GRIN2B: variants seen among roughly 807,000 people sequenced by gnomAD.
The protein encoded by GRIN2B is glutamate receptor ionotropic, NMDA 2B.
GRIN2B carries 5 observed loss-of-function variants against 114.5 expected under a neutral mutation model. The observed-to-expected ratio is 0.04, with a 90% CI of 0.02 to 0.09. The LOEUF (loss-of-function observed/expected upper bound fraction) is 0.09. Among genes scored for constraint, GRIN2B ranks in the 10% least tolerant of loss-of-function variants. The pLI, the probability that GRIN2B is intolerant of heterozygous loss-of-function variation, is 1.00. For missense variants in GRIN2B, 1,108 were observed against 1,943.5 expected (o/e 0.57, Z 8.08); for synonymous variants, 787 against 745.1 (o/e 1.06, Z -0.92).
At chr12:13,665,998 C>CA (rs1367199532) in intron 5 of GRIN2B, among the ~76,000 whole-genome samples, 2 of 152,140 alleles carry the variant, frequency 1.3e-5, no homozygotes, top group Non-Finnish European at 2.9e-5. Context: ...CATATTATTT[C>CA]AGGAAGAGTC....
intron 2 of GRIN2B, among the ~76,000 whole-genome samples, chr12:13,895,581 C>G (rs1383099047): frequency 6.6e-6 from 1 of 152,110 alleles, no homozygotes; most frequent in Non-Finnish European, 1.5e-5. Context: ...CTAAGAATTT[C>G]AGAAGTTCTT....
intron 3 of GRIN2B, among the ~76,000 whole-genome samples, chr12:13,842,270 T>A (rs1865391787): frequency 6.6e-6 from 1 of 152,242 alleles, no homozygotes; most frequent in Admixed American, 6.5e-5. Context: ...CATTTTTCAC[T>A]TCAATTAACG....
chr12:13,725,026 A>T (rs1477507738), intron 4 of GRIN2B, among the ~76,000 whole-genome samples: 1 of 152,120 alleles, frequency 6.6e-6, no homozygotes, highest in Non-Finnish European at 1.5e-5. Context: ...TGAAAGGCAA[A>T]CAACTTCCTT....
At chr12:13,777,590 G>A (rs550186360) in intron 3 of GRIN2B, among the ~76,000 whole-genome samples, 10 of 152,298 alleles carry the variant, frequency 6.6e-5, no homozygotes, top group African/African-American at 2.4e-4. Context: ...GGGATTCAAG[G>A]CCCCTAAACA....
intron 3 of GRIN2B, among the ~76,000 whole-genome samples, chr12:13,860,573 C>T (rs1865736260): frequency 6.6e-6 from 1 of 152,140 alleles, no homozygotes; most frequent in South Asian, 2.1e-4. Context: ...GATCTGCCTG[C>T]CTCCGCCTCC....
At chr12:13,905,572 T>G (rs1866523453) in intron 2 of GRIN2B, among the ~76,000 whole-genome samples, 1 of 152,204 alleles carries the variant, frequency 6.6e-6, no homozygotes, top group Non-Finnish European at 1.5e-5. Context: ...TCTGGTTTTC[T>G]TTGACTATAC....
At chr12:13,981,614 G>C (rs1863140036), upstream of GRIN2B, 1 of 150,352 alleles carries the variant, frequency 6.7e-6, no homozygotes, top group Non-Finnish European at 1.5e-5. Flanking sequence ...GTTTTTGAAA[G>C]GGGGTGGGGG....
intron 4 of GRIN2B, among the ~76,000 whole-genome samples, chr12:13,722,630 G>C (rs1236807088): frequency 1.3e-5 from 2 of 152,086 alleles, no homozygotes; most frequent in African/African-American, 4.8e-5. Context: ...TTATAGAAAA[G>C]AGGATATGTA....
intron 3 of GRIN2B, among the ~76,000 whole-genome samples, chr12:13,766,778 A>T (rs1863798303): frequency 6.6e-6 from 1 of 152,212 alleles, no homozygotes; most frequent in Admixed American, 6.5e-5. Context: ...AGCTGGGGGA[A>T]TGATAATTCC....
chr12:13,929,509 C>T lies in GRIN2B; in HGVS notation c.-19+50419G>A, dbSNP rs1866982159. 2.0e-5 allele frequency among the ~76,000 whole-genome samples: 3 copies of T among 152,178 alleles called. No individual in the cohort carries two copies. In the South Asian group the frequency reaches 6.2e-4, roughly 31 times the overall value. On this transcript the variant is annotated intron_variant, in intron 2 of 13. Transcript: ENST00000609686. The stretch of plus-strand genomic sequence containing the variant: ...TGGGAAAGGCAGGTCTTACGTTATG[C>T]TAAAGAAGATTTCCATTAGTGCTGG...
chr12:13,759,485 A>C (rs1362668266), intron 3 of GRIN2B, among the ~76,000 whole-genome samples: 3 of 152,112 alleles, frequency 2.0e-5, no homozygotes, highest in Admixed American at 1.3e-4. Flanking sequence ...AACTCCTTAA[A>C]AGCATCATCT....
Position 13,554,386 on chromosome 12 carries a change from G to A in GRIN2B, c.*8397C>T, listed in dbSNP as rs1334737766. On this transcript the variant is annotated 3_prime_UTR_variant, in exon 14 of 14. Coordinates refer to ENST00000609686, the MANE Select transcript of GRIN2B (RefSeq NM_000834.5). Reference sequence around the variant, plus strand: ...TCTGGTCTTTGAAGACTTATATAGAGGGAATGGATATTATTCAAGAAGGGA... The same window carrying A: ...TCTGGTCTTTGAAGACTTATATAGAAGGAATGGATATTATTCAAGAAGGGA... 1 of 152,188 alleles carries A rather than the reference G, an allele frequency of 6.6e-6. No homozygotes were observed. The highest frequency in any genetic ancestry group is 1.5e-5 in the Non-Finnish European group (1 of 68,030). 9.4% of individuals were successfully genotyped at this position (152,188 alleles called of 1,614,324 possible).
chr12:13,885,043 A>G (rs1866132363), intron 2 of GRIN2B, among the ~76,000 whole-genome samples: 1 of 152,168 alleles, frequency 6.6e-6, no homozygotes, highest in East Asian at 1.9e-4. Flanking sequence ...TTCGTGTAGA[A>G]GATAATCAGG....
intron 2 of GRIN2B, among the ~76,000 whole-genome samples, chr12:13,943,696 C>A (rs1217288009): frequency 1.3e-5 from 2 of 152,228 alleles, no homozygotes; most frequent in African/African-American, 4.8e-5. Context: ...CCTACCTCTT[C>A]AGTTCATTTA....
chr12:13,547,320 C>T lies in GRIN2B; in HGVS notation c.*15463G>A, dbSNP rs530593903. Reference sequence around the variant, plus strand: ...TATTTTGGTCTATTTTATATTATAGCTGTCTTTCCTTTTGTGAAGCACCAA... The same window carrying T: ...TATTTTGGTCTATTTTATATTATAGTTGTCTTTCCTTTTGTGAAGCACCAA... On this transcript the variant is annotated 3_prime_UTR_variant, in exon 14 of 14. Transcript: ENST00000609686. The T allele has an allele frequency of 6.6e-6, 1 of 152,112 alleles. No homozygotes were observed. The highest frequency in any genetic ancestry group is 2.4e-5 in the African/African-American group (1 of 41,418). 9.4% of individuals were successfully genotyped at this position (152,112 alleles called of 1,614,324 possible).
chr12:13,811,662 CTA>C (rs777533419), intron 3 of GRIN2B, among the ~76,000 whole-genome samples: 10 of 152,242 alleles, frequency 6.6e-5, no homozygotes, highest in Non-Finnish European at 1.2e-4. Flanking sequence ...ATTCTGGACT[CTA>C]TTACTTACCT....
chr12:13,777,888 G>C (rs1296271481), intron 3 of GRIN2B, among the ~76,000 whole-genome samples: 1 of 152,138 alleles, frequency 6.6e-6, no homozygotes, highest in East Asian at 1.9e-4. Flanking sequence ...CAATATCTGT[G>C]GTCTACTTTT....
At chr12:13,617,649 G>A (rs1020438869) in intron 5 of GRIN2B, among the ~76,000 whole-genome samples, 3 of 152,158 alleles carry the variant, frequency 2.0e-5, no homozygotes, top group South Asian at 2.1e-4. Context: ...TTCAATTATC[G>A]TAAGGAATTA....
At chr12:13,928,302 C>CAAAAAAA (rs745858482) in intron 2 of GRIN2B, among the ~76,000 whole-genome samples, 1 of 88,060 alleles carries the variant, frequency 1.1e-5, no homozygotes. Flanking sequence ...GACTTCATCT[C>CAAAAAAA]AAAAAAAAAA....
Sources: allele counts gnomAD v4.1 joint callset (sites outside exome capture counted in the v4.1 genomes callset), GRCh38; gene constraint gnomAD v4.1.1; transcripts MANE v1.5; gene names NCBI Gene and HGNC (gene_info 2026-07-23, HGNC 2026-07-21).